GOLT1B: variants seen among roughly 807,000 people sequenced by gnomAD.
The protein encoded by GOLT1B is vesicle transport protein GOT1B.
A neutral mutation model predicts 15.4 loss-of-function variants in GOLT1B; 3 were observed. The ratio of observed to expected loss-of-function variants is 0.19; its 90% confidence interval spans 0.09 to 0.50. The LOEUF (loss-of-function observed/expected upper bound fraction) is 0.50. Ranked by LOEUF, GOLT1B falls within the 20% of genes least tolerant of loss-of-function variation. GOLT1B has a pLI of 0.97. For synonymous variants in GOLT1B, 65 were observed against 56.2 expected (o/e 1.16, Z -0.70); for missense variants, 145 against 160.4 (o/e 0.90, Z 0.52).
At chr12:21,508,875 C>CGGTACGTA (rs1555149879) in intron 3 of GOLT1B, among the ~76,000 whole-genome samples, 3,753 of 136,174 alleles carry the variant, frequency 0.028, 61 homozygotes, top group Middle Eastern at 0.051. Context: ...ATCGATCAAT[C>CGGTACGTA]GGTAGGTAGG....
At chr12:21,512,273 A>G (rs61926342) in intron 3 of GOLT1B, 22 bp from the exon 4 acceptor site, 125,716 of 1,209,226 alleles carry the variant, frequency 0.1, 7,615 homozygotes, top group Middle Eastern at 0.21. Flanking sequence ...AATATTAAGA[A>G]CCTTTTTTTT....
intron 3 of GOLT1B, among the ~76,000 whole-genome samples, 162 bp from the exon 4 acceptor site, chr12:21,512,133 C>T (rs1268332753): frequency 1.3e-5 from 2 of 152,104 alleles, no homozygotes; most frequent in African/African-American, 4.8e-5. Flanking sequence ...ACATTTTTAC[C>T]AACAATCACA....
rs760265879 is a variant in GOLT1B at position 21,516,876 on chromosome 12, A to T, written c.*1169A>T. On this transcript the variant is annotated 3_prime_UTR_variant, in exon 5 of 5. Transcript: ENST00000229314. ...CGTGCTAAAGTCATTTCACTGTAAT[A>T]AACTGACTGTGGTTTCTTAAGAACA... 6.6e-6 allele frequency: 1 copy of T among 152,494 alleles called. No individual in the cohort carries two copies. Among genetic ancestry groups the T allele is most frequent in the African/African-American group, 2.4e-5 (1 of 41,564 alleles). The allele number at this position is 152,494 out of a possible 1,614,324, so 9.4% of individuals were successfully genotyped here.
At chr12:21,503,153 G>T (rs942883584) in intron 1 of GOLT1B, among the ~76,000 whole-genome samples, 2 of 152,210 alleles carry the variant, frequency 1.3e-5, no homozygotes, top group Admixed American at 6.5e-5. Context: ...AAATAAAAGT[G>T]TAGTCTTGAG....
intron 1 of GOLT1B, among the ~76,000 whole-genome samples, chr12:21,505,410 A>G (rs1460278463): frequency 6.6e-6 from 1 of 152,192 alleles, no homozygotes; most frequent in Non-Finnish European, 1.5e-5. Flanking sequence ...CACTATCCAA[A>G]TAGTTAATTT....
intron 1 of GOLT1B, among the ~76,000 whole-genome samples, chr12:21,505,823 T>A (rs1403221995): frequency 2.0e-5 from 3 of 152,102 alleles, no homozygotes; most frequent in Non-Finnish European, 4.4e-5. Context: ...AGATTGTGCT[T>A]CTAACTAAAC....
intron 4 of GOLT1B, chr12:21,515,341 A>AT (rs1397923247): frequency 1.4e-6 from 1 of 732,926 alleles, no homozygotes; most frequent in Admixed American, 2.6e-5. Flanking sequence ...TTATGTTTTT[A>AT]TTTTTTATTT....
Position 21,515,763 on chromosome 12 carries a change from G to A in GOLT1B, c.*56G>A. 1.2e-6 allele frequency: 1 copy of A among 810,180 alleles called. No homozygotes were observed. Among genetic ancestry groups the A allele is most frequent in the East Asian group, 2.5e-5 (1 of 39,490 alleles). 50.2% of individuals were successfully genotyped at this position (810,180 alleles called of 1,614,324 possible). ...TATTGTGTTATTTATAAAGTCATTTGAAGAATATTCAGCACAAAATTAAAT... is the reference window on the plus strand; with the variant it reads ...TATTGTGTTATTTATAAAGTCATTTAAAGAATATTCAGCACAAAATTAAAT... On this transcript the variant is annotated 3_prime_UTR_variant, in exon 5 of 5. Coordinates refer to ENST00000229314, the MANE Select transcript of GOLT1B (RefSeq NM_016072.5).
At chr12:21,507,853 A>G (rs1261281986) in intron 2 of GOLT1B, 1 of 418,800 alleles carries the variant, frequency 2.4e-6, no homozygotes, top group East Asian at 7.6e-5. Context: ...GCCACCAGAT[A>G]TTCTAGAATT....
chr12:21,514,318 G>C (rs1254627572), intron 4 of GOLT1B, among the ~76,000 whole-genome samples: 1 of 152,194 alleles, frequency 6.6e-6, no homozygotes, highest in Non-Finnish European at 1.5e-5. Flanking sequence ...TTTTATAGAT[G>C]TTTCTAGAGA....
At chr12:21,512,554 T>C (rs561224710) in intron 4 of GOLT1B, among the ~76,000 whole-genome samples, 178 bp downstream of exon 4, 1 of 152,326 alleles carries the variant, frequency 6.6e-6, no homozygotes, top group East Asian at 1.9e-4. Flanking sequence ...ACCTATAAAA[T>C]GTGAAATTTT....
chr12:21,502,596 A>G (rs938752203), intron 1 of GOLT1B, among the ~76,000 whole-genome samples: 5 of 152,106 alleles, frequency 3.3e-5, no homozygotes, highest in African/African-American at 9.7e-5. Flanking sequence ...TTAGTATTGT[A>G]TATTGTGCTT....
intron 4 of GOLT1B, among the ~76,000 whole-genome samples, chr12:21,514,228 C>T (rs1397944325): frequency 6.6e-6 from 1 of 152,148 alleles, no homozygotes; most frequent in Non-Finnish European, 1.5e-5. Flanking sequence ...GATAAACTAG[C>T]TTTATAGGAA....
chr12:21,511,336 C>A (rs887224252), intron 3 of GOLT1B, among the ~76,000 whole-genome samples: 1 of 150,172 alleles, frequency 6.7e-6, no homozygotes, highest in African/African-American at 2.5e-5. Flanking sequence ...GATCCCCCCC[C>A]ACCCTCCCCA....
intron 4 of GOLT1B, among the ~76,000 whole-genome samples, chr12:21,513,955 G>C (rs185701410): frequency 6.2e-4 from 95 of 152,292 alleles, no homozygotes; most frequent in African/African-American, 2.1e-3. Context: ...AATATTTTCT[G>C]CTAAGCAAGT....
In GOLT1B at chr12:21,509,348, G is replaced by A. The variant is rs962903600; in HGVS notation, c.296+787G>A. The stretch of plus-strand genomic sequence containing the variant: ...TGGGAGGCGGAAGTTGCAGTGAGCC[G>A]ATCACACCATTGCACTCCAGCCTAG... On this transcript the variant is annotated intron_variant, in intron 3 of 4. Transcript: ENST00000229314. 5.0e-5 allele frequency among the ~76,000 whole-genome samples: 6 copies of A among 119,852 alleles called. No homozygotes were observed. The East Asian group carries it at 1.5e-3, about 30-fold the overall frequency. The allele number at this position is 119,852 out of a possible 152,430, so 78.6% of individuals were successfully genotyped here.
In GOLT1B at chr12:21,501,929, C is replaced by A. The variant is rs766811210; in HGVS notation, c.6C>A (p.Ile2=). The A allele has an allele frequency of 6.2e-7, 1 of 1,608,536 alleles. No homozygotes were observed. Among genetic ancestry groups the A allele is most frequent in the Non-Finnish European group, 8.5e-7 (1 of 1,174,962 alleles). Residue 2 remains isoleucine (I), a synonymous_variant, in exon 1 of 5, where the codon ATC becomes ATA. Coordinates refer to ENST00000229314, the MANE Select transcript of GOLT1B (RefSeq NM_016072.5). ...CTGTCCCCACCACTGCAGCCATGAT[C>A]TCCTTAACGGACACGCAGAGTAAGC... The part of the protein sequence containing the change: M[I]SLTDTQKIGM...
chr12:21,515,365 C>G, intron 4 of GOLT1B: 1 of 641,018 alleles, frequency 1.6e-6, no homozygotes, highest in Non-Finnish European at 2.7e-6. Flanking sequence ...GTTAAGCTAG[C>G]AGTGTTATCT....
chr12:21,515,945 T>C lies in GOLT1B; in HGVS notation c.*238T>C. Reference sequence around the variant, plus strand: ...AAACTGAGAGAGGTGAAATCCATGTTAATGATGCTTAAGAAACTCTTGAAG... The same window carrying C: ...AAACTGAGAGAGGTGAAATCCATGTCAATGATGCTTAAGAAACTCTTGAAG... On this transcript the variant is annotated 3_prime_UTR_variant, in exon 5 of 5. Coordinates refer to ENST00000229314, the MANE Select transcript of GOLT1B (RefSeq NM_016072.5). The C allele has an allele frequency of 2.5e-6, 1 of 404,966 alleles. No individual in the cohort carries two copies. The highest frequency in any genetic ancestry group is 4.3e-6 in the Non-Finnish European group (1 of 230,840). The allele number at this position is 404,966 out of a possible 1,614,324, so 25.1% of individuals were successfully genotyped here. A position where few individuals can be genotyped will look rare whatever the true frequency, so the allele number is the denominator to read the frequency against.
Sources: allele counts gnomAD v4.1 joint callset (sites outside exome capture counted in the v4.1 genomes callset), GRCh38; gene constraint gnomAD v4.1.1; transcripts MANE v1.5; gene names NCBI Gene and HGNC (gene_info 2026-07-23, HGNC 2026-07-21).